MGMT: variants seen among roughly 807,000 people sequenced by gnomAD.
The protein encoded by MGMT is O-6-methylguanine-DNA methyltransferase.
Under a neutral mutation model 15.9 loss-of-function variants are expected in MGMT, and 14 were observed. The ratio of observed to expected loss-of-function variants is 0.88; its 90% CI spans 0.58 to 1.37. The LOEUF is 1.37. Ranked by LOEUF, MGMT falls within the 40% of genes most tolerant of loss-of-function variation. The pLI is 0.00. For missense variants in MGMT, 282 were observed against 268.1 expected (o/e 1.05, Z -0.36); for synonymous variants, 130 against 118.2 (o/e 1.10, Z -0.65).
chr10:129,649,707 A>G (rs1847435369), intron 2 of MGMT, among the ~76,000 whole-genome samples: 3 of 152,216 alleles, frequency 2.0e-5, no homozygotes, highest in African/African-American at 7.2e-5. Flanking sequence ...GATGTAAATA[A>G]AGGAATATTT....
At chr10:129,531,373 C>T (rs1343245034) in intron 1 of MGMT, among the ~76,000 whole-genome samples, 1 of 152,102 alleles carries the variant, frequency 6.6e-6, no homozygotes, top group Non-Finnish European at 1.5e-5. Context: ...GGCTGGGTTG[C>T]GATGGTTTCA....
intron 2 of MGMT, among the ~76,000 whole-genome samples, chr10:129,557,869 A>C (rs537584284): frequency 6.2e-4 from 95 of 152,290 alleles, no homozygotes; most frequent in African/African-American, 2.2e-3. Flanking sequence ...AGAGCATATA[A>C]TCCAAAATAT....
chr10:129,602,510 G>T (rs1317359379), intron 2 of MGMT, among the ~76,000 whole-genome samples: 1 of 152,182 alleles, frequency 6.6e-6, no homozygotes, highest in Non-Finnish European at 1.5e-5. Flanking sequence ...ACTGTGCCTT[G>T]TGAACTTACA....
intron 2 of MGMT, among the ~76,000 whole-genome samples, chr10:129,688,376 C>T (rs1016712168): frequency 1.1e-4 from 16 of 152,122 alleles, no homozygotes; most frequent in Admixed American, 2.6e-4. Flanking sequence ...TTTTAATGAT[C>T]GCCATTCTAA....
intron 1 of MGMT, among the ~76,000 whole-genome samples, chr10:129,493,201 C>T (rs1377148543): frequency 1.3e-5 from 2 of 152,100 alleles, no homozygotes; most frequent in Non-Finnish European, 2.9e-5. Context: ...GTTTGGGTTT[C>T]TGTTGCCTGG....
intron 2 of MGMT, among the ~76,000 whole-genome samples, chr10:129,686,154 A>G (rs951673764): frequency 6.6e-6 from 1 of 152,216 alleles, no homozygotes; most frequent in African/African-American, 2.4e-5. Context: ...AGCAGCAGAA[A>G]CAGAAACTGG....
intron 1 of MGMT, among the ~76,000 whole-genome samples, chr10:129,524,222 G>A (rs1056251683): frequency 6.6e-6 from 1 of 152,210 alleles, no homozygotes; most frequent in Admixed American, 6.5e-5. Flanking sequence ...CGCCCTCAAG[G>A]ACGATTGGCA....
intron 2 of MGMT, among the ~76,000 whole-genome samples, chr10:129,604,781 T>C (rs899799567): frequency 3.4e-5 from 5 of 145,882 alleles, no homozygotes; most frequent in African/African-American, 1.3e-4. Flanking sequence ...AGGCCTTTTA[T>C]CATTTTCACA....
chr10:129,697,370 G>T (rs543375688), intron 2 of MGMT, among the ~76,000 whole-genome samples: 1 of 152,222 alleles, frequency 6.6e-6, no homozygotes, highest in Non-Finnish European at 1.5e-5. Flanking sequence ...AGGAGAGCTG[G>T]AGTGCTTCTA....
At chr10:129,577,177 A>G (rs1846493648) in intron 2 of MGMT, among the ~76,000 whole-genome samples, 1 of 151,540 alleles carries the variant, frequency 6.6e-6, no homozygotes, top group Non-Finnish European at 1.5e-5. Flanking sequence ...CAGAATTGGA[A>G]AAAGCTACTT....
At chr10:129,486,202 G>T (rs1434230867) in intron 1 of MGMT, among the ~76,000 whole-genome samples, 1 of 148,530 alleles carries the variant, frequency 6.7e-6, no homozygotes, top group Non-Finnish European at 1.5e-5. Context: ...TTTTTGGTGG[G>T]GGGTAGACAG....
chr10:129,543,710 A>C (rs1338523964), intron 2 of MGMT, among the ~76,000 whole-genome samples: 1 of 152,150 alleles, frequency 6.6e-6, no homozygotes, highest in African/African-American at 2.4e-5. Context: ...GCAATGCAAA[A>C]GTTTTATTTC....
At chr10:129,544,008 G>C (rs565105282) in intron 2 of MGMT, among the ~76,000 whole-genome samples, 2 of 151,904 alleles carry the variant, frequency 1.3e-5, no homozygotes, top group Admixed American at 1.3e-4. Context: ...GGATGTTTCT[G>C]CCTCTCTGGT....
At chr10:129,475,733 C>T (rs960572661) in intron 1 of MGMT, among the ~76,000 whole-genome samples, 20 of 152,160 alleles carry the variant, frequency 1.3e-4, no homozygotes, top group African/African-American at 4.6e-4. Context: ...AAGGGAGGGG[C>T]TTCCCACCAG....
intron 3 of MGMT, among the ~76,000 whole-genome samples, chr10:129,721,030 C>T (rs911142164): frequency 6.6e-6 from 1 of 152,014 alleles, no homozygotes. Flanking sequence ...TCAAGAGTTA[C>T]ATTCAGAGTA....
intron 1 of MGMT, among the ~76,000 whole-genome samples, chr10:129,475,985 T>C (rs1002026079): frequency 6.6e-6 from 1 of 151,846 alleles, no homozygotes; most frequent in African/African-American, 2.4e-5. Context: ...GGCAGGACTT[T>C]CTGTGCTAAA....
intron 2 of MGMT, among the ~76,000 whole-genome samples, chr10:129,595,456 A>T (rs1846740339): frequency 6.6e-6 from 1 of 152,178 alleles, no homozygotes; most frequent in South Asian, 2.1e-4. Flanking sequence ...CGTGGTGTCC[A>T]CCCATGAAAA....
chr10:129,656,113 A>G (rs1847522344), intron 2 of MGMT, among the ~76,000 whole-genome samples: 1 of 152,202 alleles, frequency 6.6e-6, no homozygotes, highest in South Asian at 2.1e-4. Context: ...GTGAAAGGCC[A>G]AGGAGAGGTG....
intron 2 of MGMT, among the ~76,000 whole-genome samples, chr10:129,586,808 C>G (rs999052079): frequency 6.6e-6 from 1 of 152,136 alleles, no homozygotes; most frequent in Non-Finnish European, 1.5e-5. Flanking sequence ...AAACTGTTTT[C>G]CAGAGTGGCT....
Sources: gnomAD v4.1 joint callset for allele counts (sites outside exome capture counted in the v4.1 genomes callset) on GRCh38, gnomAD v4.1.1 for gene constraint, MANE v1.5 for transcripts, NCBI Gene and HGNC (gene_info 2026-07-23, HGNC 2026-07-21) for gene names.